The following FAM221A variants were observed in gnomAD, a reference collection of about 807,000 sequenced individuals.
FAM221A encodes the protein protein FAM221A.
Under a neutral mutation model 37.6 loss-of-function variants are expected in FAM221A, and 43 were observed. That is an observed-to-expected ratio of 1.15 (90% CI 0.90 to 1.48). The LOEUF is 1.48. Ranked by LOEUF, FAM221A falls within the 40% of genes most tolerant of loss-of-function variation. The pLI is 0.00. For missense variants in FAM221A, 361 were observed against 361.5 expected (o/e 1.00, Z 0.01); for synonymous variants, 135 against 132.9 (o/e 1.02, Z -0.11).
intron 4 of FAM221A, among the ~76,000 whole-genome samples, chr7:23,697,229 C>A (rs1562527982): frequency 6.6e-6 from 1 of 152,182 alleles, no homozygotes; most frequent in Non-Finnish European, 1.5e-5. Flanking sequence ...GCCACTGGGG[C>A]CAGGAGCGGG....
intron 4 of FAM221A, chr7:23,694,332 A>T (rs1167564916): frequency 6.6e-6 from 1 of 152,112 alleles, no homozygotes; most frequent in East Asian, 1.9e-4. Context: ...ATGATATTTG[A>T]TATGGTAAAT....
chr7:23,696,225 T>A (rs1169034986), intron 4 of FAM221A, among the ~76,000 whole-genome samples: 2 of 151,810 alleles, frequency 1.3e-5, no homozygotes, highest in African/African-American at 4.8e-5. Context: ...ATATCTAAAT[T>A]TTTCTAAATA....
chr7:23,694,966 T>A (rs1784965347), intron 4 of FAM221A: 1 of 152,232 alleles, frequency 6.6e-6, no homozygotes, highest in South Asian at 2.1e-4. Flanking sequence ...TGTAGATGAA[T>A]GTAGAAATAA....
rs1218359714 is a variant in FAM221A, at chr7:23,689,338, G to T, written c.309G>T (p.Val103=). 2 of 1,603,452 alleles carry T rather than the reference G, an allele frequency of 1.2e-6. No homozygotes were observed. Among genetic ancestry groups the T allele is most frequent in the African/African-American group, 2.7e-5 (2 of 74,780 alleles). ...QQCPIDLPCQ[V]TGCQCRAYLY... Reference sequence around the variant, plus strand: ...GCCCCATTGATCTGCCCTGCCAAGTGACTGGCTGCCAGTGCAGGGCTTACC... The same window carrying T: ...GCCCCATTGATCTGCCCTGCCAAGTTACTGGCTGCCAGTGCAGGGCTTACC... Residue 103 remains valine, a synonymous_variant, in exon 3 of 7, where the codon GTG becomes GTT. Transcript: ENST00000344962.
At chr7:23,680,349 C>A (rs1783955005) in intron 1 of FAM221A, 66 bp downstream of exon 1, 3 of 1,364,284 alleles carry the variant, frequency 2.2e-6, no homozygotes, top group Admixed American at 2.5e-5. Flanking sequence ...GGGCTGGGGG[C>A]GCGAGCAGGG....
intron 4 of FAM221A, 30 bp from the exon 5 acceptor site, chr7:23,698,162 A>T: frequency 1.8e-6 from 2 of 1,139,538 alleles, no homozygotes; most frequent in Non-Finnish European, 2.6e-6. Flanking sequence ...TAAATATTTA[A>T]TTTTTATTCT....
In FAM221A at chr7:23,691,504, T is replaced by C. The variant is rs569456569; in HGVS notation, c.545T>C (p.Val182Ala). The change falls in exon 4 of 7, where the codon GTG becomes GCG. Residue 182 changes from valine to alanine, a missense_variant. Physicochemically the swap from Val to Ala is moderately conservative, Grantham distance 64 (BLOSUM62 0). Transcript: ENST00000344962. Reference sequence around the variant, plus strand: ...GAAAGATTGGCTCAGGAAAAACCAGTGGGACAGGACATTCCTTATGCAGCC... The same window carrying C: ...GAAAGATTGGCTCAGGAAAAACCAGCGGGACAGGACATTCCTTATGCAGCC... Reference protein sequence around the residue: ...KQERLAQEKPVGQDIPYAAMG... With the variant: ...KQERLAQEKPAGQDIPYAAMG... 8.4e-5 allele frequency: 136 copies of C among 1,614,156 alleles called. 1 individual carries two copies. In the South Asian group the frequency reaches 1.3e-3, roughly 16 times the overall value.
At chr7:23,696,280 C>T (rs533851520) in intron 4 of FAM221A, among the ~76,000 whole-genome samples, 7 of 152,236 alleles carry the variant, frequency 4.6e-5, no homozygotes, top group East Asian at 1.9e-4. Flanking sequence ...TAAAATGGGC[C>T]GTGTGCAGTG....
chr7:23,694,586 C>T (rs1218820153), intron 4 of FAM221A: 2 of 152,210 alleles, frequency 1.3e-5, no homozygotes, highest in Admixed American at 6.5e-5. Flanking sequence ...GTTTGAACCA[C>T]ATCACTTAAT....
intron 2 of FAM221A, chr7:23,688,376 G>A (rs1354002840): frequency 2.6e-5 from 4 of 152,048 alleles, no homozygotes; most frequent in Non-Finnish European, 4.4e-5. Flanking sequence ...TTAATATTGA[G>A]AATAATAAAT....
intron 6 of FAM221A, among the ~76,000 whole-genome samples, chr7:23,701,886 T>C (rs2128053296): frequency 6.6e-6 from 1 of 152,358 alleles, no homozygotes; most frequent in South Asian, 2.1e-4. Flanking sequence ...AATATTCATA[T>C]ATTACTTTTA....
In FAM221A at chr7:23,684,208, GTTGT is replaced by G. The variant is rs1562515802; in HGVS notation, c.66-290_66-287del. Among the ~76,000 whole-genome samples the G allele has an allele frequency of 2.0e-5, 3 of 151,914 alleles. No homozygotes were observed. The East Asian group carries it at 5.8e-4, about 29-fold the overall frequency. On this transcript the variant is annotated intron_variant, in intron 1 of 6. Transcript: ENST00000344962. Reference sequence around the variant, plus strand: ...GGTCCTTTAAGAATTCCTTCGTTATGTTGTCATGCTTCGAGGCCCAGGAAAGGCC... The same window carrying G: ...GGTCCTTTAAGAATTCCTTCGTTATGCATGCTTCGAGGCCCAGGAAAGGCC...
At chr7:23,681,029 C>G (rs1267296260) in intron 1 of FAM221A, among the ~76,000 whole-genome samples, 1 of 152,156 alleles carries the variant, frequency 6.6e-6, no homozygotes, top group Non-Finnish European at 1.5e-5. Context: ...CGTGGGTGGC[C>G]CAGATGACCC....
In FAM221A at chr7:23,700,794, A is replaced by T. The variant is rs752244905; in HGVS notation, c.754A>T (p.Ser252Cys). ...SPETLTDVGT[S>C]SQVSSLRRPE... ...TTTTTTTTCCTTGTTAGTAGGTACA[A>T]GTAGTCAAGTTTCTTCATTAAGGAG... is the stretch of plus-strand genomic sequence containing the variant. The change falls in exon 6 of 7, where the codon AGT (serine) becomes TGT (cysteine). Residue 252 changes from serine to cysteine, a missense_variant. Coordinates refer to ENST00000344962, the MANE Select transcript of FAM221A (RefSeq NM_199136.5). 1.9e-6 allele frequency: 3 copies of T among 1,598,496 alleles called. No homozygotes were observed. Among genetic ancestry groups the T allele is most frequent in the Non-Finnish European group, 2.6e-6 (3 of 1,172,448 alleles).
intron 4 of FAM221A, chr7:23,694,849 T>A (rs1784959051): frequency 6.6e-6 from 1 of 152,242 alleles, no homozygotes; most frequent in Admixed American, 6.5e-5. Context: ...TTTTATTGCT[T>A]CAGAATTTTC....
chr7:23,684,734 C>T lies in FAM221A; in HGVS notation c.239+62C>T. 3 of 1,399,440 alleles carry T rather than the reference C, an allele frequency of 2.1e-6. 1 individual carries two copies. The South Asian group carries it at 4.0e-5, about 19-fold the overall frequency. 86.7% of individuals were successfully genotyped at this position (1,399,440 alleles called of 1,614,324 possible). On this transcript the variant is annotated intron_variant, in intron 2 of 6. Transcript: ENST00000344962. ...AAAATAAAAAGCTAAGCATATCTTACTTCTACAAATCGTAATGATTGAGAA... is the reference window on the plus strand; with the variant it reads ...AAAATAAAAAGCTAAGCATATCTTATTTCTACAAATCGTAATGATTGAGAA...
At chr7:23,700,641 G>T in intron 5 of FAM221A, 145 bp from the exon 6 acceptor site, 1 of 566,152 alleles carries the variant, frequency 1.8e-6, no homozygotes. Flanking sequence ...AGAGAATGAG[G>T]TAGTAGGACC....
intron 1 of FAM221A, 57 bp downstream of exon 1, chr7:23,680,340 G>A: frequency 1.4e-6 from 2 of 1,425,108 alleles, no homozygotes. Context: ...AGGATCCCTG[G>A]GCTGGGGGCG....
intron 1 of FAM221A, among the ~76,000 whole-genome samples, chr7:23,682,433 A>ATT (rs1373503379): frequency 1.5e-5 from 1 of 67,306 alleles, no homozygotes; most frequent in African/African-American, 4.8e-5. Flanking sequence ...TATTATTATT[A>ATT]TTATTATTTT....
Sources: gnomAD v4.1 joint callset for allele counts (sites outside exome capture counted in the v4.1 genomes callset) on GRCh38, gnomAD v4.1.1 for gene constraint, MANE v1.5 for transcripts, NCBI Gene and HGNC (gene_info 2026-07-23, HGNC 2026-07-21) for gene names.